Variants in CHL1 observed in about 807,000 individuals in gnomAD.
CHL1 encodes cell adhesion molecule L1 like.
Under a neutral mutation model 141.9 loss-of-function variants are expected in CHL1, and 96 were observed. The observed-to-expected ratio is 0.68, with a 90% CI of 0.57 to 0.80. The LOEUF is 0.80. Among genes scored for constraint, CHL1 ranks in the 30% least tolerant of loss-of-function variants. CHL1 has a pLI of 0.00. For missense variants in CHL1, 1,820 were observed against 1,457.2 expected (o/e 1.25, Z -4.05); for synonymous variants, 613 against 502.2 (o/e 1.22, Z -2.95).
chr3:285,274 A>T (rs908621560), intron 2 of CHL1, among the ~76,000 whole-genome samples: 3 of 152,242 alleles, frequency 2.0e-5, no homozygotes, highest in Non-Finnish European at 4.4e-5. Flanking sequence ...TTTGAGGAAG[A>T]CATTATGACA....
intron 5 of CHL1, among the ~76,000 whole-genome samples, chr3:338,997 A>G (rs1280929773): frequency 2.6e-5 from 4 of 152,182 alleles, no homozygotes; most frequent in Non-Finnish European, 5.9e-5. Context: ...TGAACTGTGT[A>G]TTCATATTAG....
intron 15 of CHL1, among the ~76,000 whole-genome samples, chr3:368,554 C>T (rs1026047788): frequency 1.3e-5 from 2 of 152,168 alleles, no homozygotes; most frequent in African/African-American, 4.8e-5. Context: ...CCTGTTCGCT[C>T]TGATGATAGT....
intron 1 of CHL1, among the ~76,000 whole-genome samples, chr3:199,739 T>C (rs111962547): frequency 0.012 from 1,767 of 152,298 alleles, 32 homozygotes; most frequent in African/African-American, 0.041. Flanking sequence ...ATTTGCTAGA[T>C]AGAAACCTGA....
At chr3:389,009 A>C (rs1708008547) in intron 19 of CHL1, among the ~76,000 whole-genome samples, 1 of 150,904 alleles carries the variant, frequency 6.6e-6, no homozygotes, top group African/African-American at 2.4e-5. Context: ...TGAGGACATA[A>C]TCCAGGCATC....
chr3:307,737 T>G (rs1559230713), intron 2 of CHL1, among the ~76,000 whole-genome samples: 1 of 152,136 alleles, frequency 6.6e-6, no homozygotes, highest in South Asian at 2.1e-4. Flanking sequence ...TAACATACTT[T>G]ACGAAATAAA....
chr3:243,026 G>T (rs1036336892), intron 1 of CHL1, among the ~76,000 whole-genome samples: 5 of 152,140 alleles, frequency 3.3e-5, no homozygotes, highest in African/African-American at 7.2e-5. Flanking sequence ...TTGAAGAGAT[G>T]TCTTAGACAG....
chr3:257,266 A>C (rs1694256661), intron 2 of CHL1, among the ~76,000 whole-genome samples: 1 of 151,762 alleles, frequency 6.6e-6, no homozygotes. Context: ...TTCTTTCAAT[A>C]TTTCAGGTAG....
At chr3:237,072 G>C (rs115480918) in intron 1 of CHL1, among the ~76,000 whole-genome samples, 326 of 152,200 alleles carry the variant, frequency 2.1e-3, no homozygotes, top group African/African-American at 7.5e-3. Context: ...TCTCTATTAC[G>C]CTGTTGGCTT....
chr3:388,572 C>T (rs1036416335), intron 19 of CHL1, among the ~76,000 whole-genome samples: 6 of 145,810 alleles, frequency 4.1e-5, no homozygotes, highest in Admixed American at 2.0e-4. Context: ...AAAAAAGAAA[C>T]GAAAAAAAAA....
chr3:334,984 A>T (rs1475413911), intron 5 of CHL1, among the ~76,000 whole-genome samples: 2 of 152,280 alleles, frequency 1.3e-5, no homozygotes, highest in Non-Finnish European at 2.9e-5. Flanking sequence ...ATGCTATTAA[A>T]ATAGTCTACG....
intron 15 of CHL1, among the ~76,000 whole-genome samples, chr3:372,485 G>A (rs1236484873): frequency 1.3e-5 from 2 of 152,088 alleles, no homozygotes; most frequent in African/African-American, 4.8e-5. Context: ...CTCTGAAATG[G>A]TTATTCTAGT....
intron 2 of CHL1, among the ~76,000 whole-genome samples, chr3:292,458 G>A (rs1449906218): frequency 1.3e-5 from 2 of 152,060 alleles, no homozygotes; most frequent in East Asian, 3.8e-4. Context: ...TTGTTATATT[G>A]GAAACAGTGT....
At chr3:322,670 A>ATATATAAAATATATATATATAT (rs1700690598) in intron 3 of CHL1, among the ~76,000 whole-genome samples, 1 of 133,686 alleles carries the variant, frequency 7.5e-6, no homozygotes, top group African/African-American at 2.9e-5. Context: ...ATATATATAT[A>ATATATAAAATATATATATATAT]ATTATATATA....
chr3:283,003 A>G (rs1218527478), intron 2 of CHL1, among the ~76,000 whole-genome samples: 2 of 152,200 alleles, frequency 1.3e-5, no homozygotes, highest in East Asian at 3.8e-4. Context: ...GTGGTTTTCT[A>G]ACAGCTCCTG....
chr3:364,453 T>C (rs1367969412), intron 14 of CHL1, among the ~76,000 whole-genome samples: 8 of 152,206 alleles, frequency 5.3e-5, no homozygotes, highest in Non-Finnish European at 8.8e-5. Flanking sequence ...GTAAGGAGCG[T>C]GAAGCCTCGA....
intron 1 of CHL1, chr3:217,486 A>C (rs1700426715): frequency 1.3e-5 from 2 of 152,200 alleles, no homozygotes; most frequent in Non-Finnish European, 2.9e-5. Flanking sequence ...TGGGAGGAGA[A>C]ACTTACTTTA....
At chr3:333,067 A>G (rs1701566528) in intron 5 of CHL1, among the ~76,000 whole-genome samples, 1 of 147,628 alleles carries the variant, frequency 6.8e-6, no homozygotes, top group Non-Finnish European at 1.5e-5. Flanking sequence ...ATGATATGAG[A>G]GTATTGTATT....
chr3:292,200 G>A (rs1217210854), intron 2 of CHL1, among the ~76,000 whole-genome samples: 1 of 152,166 alleles, frequency 6.6e-6, no homozygotes, highest in Non-Finnish European at 1.5e-5. Context: ...AATGGTAGAC[G>A]TATTGTTTTC....
intron 2 of CHL1, among the ~76,000 whole-genome samples, chr3:302,692 T>C (rs55873244): frequency 0.33 from 49,706 of 152,106 alleles, 8,515 homozygotes; most frequent in Middle Eastern, 0.46. Flanking sequence ...AATCTGTAGG[T>C]TGCCTGTTCA....
Sources: gnomAD v4.1 joint callset for allele counts (sites outside exome capture counted in the v4.1 genomes callset) on GRCh38, gnomAD v4.1.1 for gene constraint, MANE v1.5 for transcripts, NCBI Gene and HGNC (gene_info 2026-07-23, HGNC 2026-07-21) for gene names.